CRB1: variants seen among roughly 807,000 people sequenced by gnomAD.
CRB1 encodes the protein protein crumbs homolog 1.
A neutral mutation model predicts 120.0 loss-of-function variants in CRB1; 83 were observed. The ratio of observed to expected loss-of-function variants is 0.69; its 90% CI spans 0.58 to 0.83. The LOEUF (loss-of-function observed/expected upper bound fraction) is 0.83, where lower values mean the gene tolerates loss of function less well. Among genes scored for constraint, CRB1 ranks in the 40% least tolerant of loss-of-function variants. CRB1 has a pLI of 0.00. For synonymous variants in CRB1, 625 were observed against 612.5 expected (o/e 1.02, Z -0.30); for missense variants, 1,699 against 1,687.6 (o/e 1.01, Z -0.12).
intron 5 of CRB1, among the ~76,000 whole-genome samples, chr1:197,409,161 T>C (rs998546090): frequency 6.6e-6 from 1 of 152,168 alleles, no homozygotes; most frequent in Non-Finnish European, 1.5e-5. Flanking sequence ...AACTTTAGAA[T>C]AGTATAATCA....
chr1:197,434,341 G>T (rs1338486283), intron 8 of CRB1, among the ~76,000 whole-genome samples: 1 of 152,110 alleles, frequency 6.6e-6, no homozygotes, highest in Non-Finnish European at 1.5e-5. Context: ...GGGAGCAAAT[G>T]CAAAATAAAA....
chr1:197,393,435 G>A (rs1662610550), intron 5 of CRB1, among the ~76,000 whole-genome samples: 1 of 152,098 alleles, frequency 6.6e-6, no homozygotes, highest in Admixed American at 6.6e-5. Context: ...AATATTTCCA[G>A]TGAAATAGCG....
At chr1:197,307,838 C>G (rs887041652) in intron 1 of CRB1, among the ~76,000 whole-genome samples, 3 of 152,194 alleles carry the variant, frequency 2.0e-5, no homozygotes, top group African/African-American at 7.2e-5. Flanking sequence ...CAGATCCTCT[C>G]TCTCCCTGGT....
chr1:197,237,597 A>G, the CRB1 span, among the ~76,000 whole-genome samples: 1 of 152,194 alleles, frequency 6.6e-6, no homozygotes, highest in South Asian at 2.1e-4. Flanking sequence ...CAAATTTTGT[A>G]GTTGGTGTCG....
the CRB1 span, among the ~76,000 whole-genome samples, chr1:197,210,005 A>G: frequency 1.3e-5 from 2 of 152,166 alleles, no homozygotes; most frequent in Non-Finnish European, 1.5e-5. Flanking sequence ...GTATGTTCCT[A>G]TGGTAGTTCT....
At chr1:197,381,075 A>G (rs927449663) in intron 5 of CRB1, among the ~76,000 whole-genome samples, 4 of 152,194 alleles carry the variant, frequency 2.6e-5, no homozygotes, top group African/African-American at 9.7e-5. Flanking sequence ...TAGATCCTGA[A>G]CAATCATTAA....
intron 5 of CRB1, among the ~76,000 whole-genome samples, chr1:197,414,373 T>C (rs561832149): frequency 5.9e-5 from 9 of 152,258 alleles, no homozygotes; most frequent in Admixed American, 4.6e-4. Flanking sequence ...AAAAATCATC[T>C]TCATATCCAA....
intron 4 of CRB1, among the ~76,000 whole-genome samples, chr1:197,354,817 GCC>G (rs1558076215): frequency 1.0e-4 from 2 of 19,464 alleles, no homozygotes; most frequent in Non-Finnish European, 1.7e-4. Flanking sequence ...TCTGCCCCCC[GCC>G]CCCCCACCCC....
chr1:197,365,363 C>T (rs925814031), intron 5 of CRB1, among the ~76,000 whole-genome samples: 1 of 152,078 alleles, frequency 6.6e-6, no homozygotes, highest in Admixed American at 6.5e-5. Context: ...CTTTACTGAT[C>T]CCCCACTCAC....
chr1:197,209,745 T>C, the CRB1 span, among the ~76,000 whole-genome samples: 3 of 152,198 alleles, frequency 2.0e-5, no homozygotes, highest in Non-Finnish European at 2.9e-5. Context: ...AGAATGCGCA[T>C]AGGGCTCTTC....
In CRB1 at chr1:197,418,952, A is replaced by G. The variant is rs529733280; in HGVS notation, c.1172-2048A>G. 2.0e-5 allele frequency among the ~76,000 whole-genome samples: 3 copies of G among 152,330 alleles called. No individual in the cohort carries two copies. The East Asian group carries it at 5.8e-4, about 29-fold the overall frequency. ...CACACTTTCTAAATAGTCTCTCTCAATGACTACAGTACTATTTGAATTTTG... is the reference window on the plus strand; with the variant it reads ...CACACTTTCTAAATAGTCTCTCTCAGTGACTACAGTACTATTTGAATTTTG... On this transcript the variant is annotated intron_variant, in intron 5 of 11. Coordinates refer to ENST00000367400, the MANE Select transcript of CRB1 (RefSeq NM_201253.3).
chr1:197,271,943 A>G (rs995287925), intron 1 of CRB1, among the ~76,000 whole-genome samples: 4 of 152,190 alleles, frequency 2.6e-5, no homozygotes, highest in African/African-American at 9.6e-5. Flanking sequence ...GTGGTTTGAC[A>G]AAACTACTTT....
At chr1:197,209,523 T>C in the CRB1 span, among the ~76,000 whole-genome samples, 1 of 152,042 alleles carries the variant, frequency 6.6e-6, no homozygotes, top group African/African-American at 2.4e-5. Flanking sequence ...TTTTTTTGTA[T>C]TTTTAGTAAG....
chr1:197,203,562 T>C, the CRB1 span, among the ~76,000 whole-genome samples: 1 of 152,176 alleles, frequency 6.6e-6, no homozygotes, highest in Non-Finnish European at 1.5e-5. Flanking sequence ...TGACCTCAGG[T>C]GATCCACCCG....
At chr1:197,455,000 AT>A (rs1259443080) in intron 11 of CRB1, among the ~76,000 whole-genome samples, 5 of 152,154 alleles carry the variant, frequency 3.3e-5, no homozygotes, top group Non-Finnish European at 7.4e-5. Flanking sequence ...TCATAAAGAT[AT>A]TTTTAATGTG....
At chr1:197,286,797 A>T (rs1655851024) in intron 1 of CRB1, among the ~76,000 whole-genome samples, 1 of 151,948 alleles carries the variant, frequency 6.6e-6, no homozygotes, top group Non-Finnish European at 1.5e-5. Context: ...TTATAATTTC[A>T]TAAAATTTTT....
chr1:197,337,222 A>G (rs758688423), intron 2 of CRB1, among the ~76,000 whole-genome samples: 1 of 152,176 alleles, frequency 6.6e-6, no homozygotes, highest in Non-Finnish European at 1.5e-5. Flanking sequence ...ATTATAATCT[A>G]TGAGCCAGAA....
chr1:197,417,510 GGAA>G (rs1246537512), intron 5 of CRB1, among the ~76,000 whole-genome samples: 3 of 152,070 alleles, frequency 2.0e-5, no homozygotes, highest in Admixed American at 2.0e-4. Flanking sequence ...TGATAAAGAA[GGAA>G]GAAGGAGTAA....
the CRB1 span, among the ~76,000 whole-genome samples, chr1:197,259,259 C>G: frequency 2.6e-5 from 4 of 152,140 alleles, no homozygotes; most frequent in Non-Finnish European, 5.9e-5. Context: ...TTCACAATAG[C>G]AAAGGCATGG....
Sources: allele counts gnomAD v4.1 joint callset (sites outside exome capture counted in the v4.1 genomes callset), GRCh38; gene constraint gnomAD v4.1.1; transcripts MANE v1.5; gene names NCBI Gene and HGNC (gene_info 2026-07-23, HGNC 2026-07-21).